Variants in RBPJL observed in about 807,000 individuals in gnomAD.
The protein encoded by RBPJL is recombining binding protein suppressor of hairless-like protein.
In RBPJL, 50 loss-of-function variants were observed where a neutral mutation model predicts 57.6. That is an observed-to-expected ratio of 0.87 (90% CI 0.69 to 1.10). RBPJL has a LOEUF of 1.10. Ranked by LOEUF, RBPJL falls within the 50% of genes least tolerant of loss-of-function variation. The probability of loss-of-function intolerance (pLI) is 0.00; values close to 1 mark genes in which losing one functional copy is unlikely to be tolerated. For missense variants in RBPJL, 684 were observed against 693.7 expected (o/e 0.99, Z 0.16); for synonymous variants, 303 against 294.4 (o/e 1.03, Z -0.30).
chr20:45,317,128 CCCTT>C lies in RBPJL; in HGVS notation c.*170_*173del, dbSNP rs1987519553. On this transcript the variant is annotated 3_prime_UTR_variant, in exon 12 of 12. Transcript: ENST00000343694. ...GTGGGTCTTACCCGGCTCACTCCCT[CCCTT>C]GTCCTTACACATACAGGAAGACAAG... 1.4e-6 allele frequency: 1 copy of C among 722,454 alleles called. No individual in the cohort carries two copies. Among genetic ancestry groups the C allele is most frequent in the Non-Finnish European group, 2.2e-6 (1 of 445,854 alleles). The allele number at this position is 722,454 out of a possible 1,614,324, so 44.8% of individuals were successfully genotyped here. A position where few individuals can be genotyped will look rare whatever the true frequency, so the allele number is the denominator to read the frequency against.
At chr20:45,307,653 C>CT (rs768464169) in intron 1 of RBPJL, among the ~76,000 whole-genome samples, 2 of 152,212 alleles carry the variant, frequency 1.3e-5, no homozygotes, top group African/African-American at 4.8e-5. Flanking sequence ...ACCTGGCACC[C>CT]TGCCTCCACC....
intron 1 of RBPJL, among the ~76,000 whole-genome samples, chr20:45,307,163 C>T (rs1986785318): frequency 6.6e-6 from 1 of 152,196 alleles, no homozygotes; most frequent in Admixed American, 6.5e-5. Context: ...TTCCTTCCAG[C>T]TCCTACCCCA....
chr20:45,315,401 TA>T (rs35967905), intron 9 of RBPJL, among the ~76,000 whole-genome samples: 26,632 of 146,386 alleles, frequency 0.18, 2,557 homozygotes, highest in Middle Eastern at 0.3. Flanking sequence ...TGCACAATGT[TA>T]AAAAAAAAAA....
At position 45,311,837 on chromosome 20, in the gene RBPJL, A is replaced by G. The variant is rs1478708915; in HGVS notation, c.329-2A>G. ...GCAGAGCCAGTTCGCGTCCCTTTCCAGCTCACCAGGCGGGGGAAACGGGGC... is the reference window on the plus strand; with the variant it reads ...GCAGAGCCAGTTCGCGTCCCTTTCCGGCTCACCAGGCGGGGGAAACGGGGC... On this transcript the variant is annotated splice_acceptor_variant, in intron 4 of 11. Transcript: ENST00000343694. LOFTEE classifies it high-confidence loss of function. The G allele has an allele frequency of 1.9e-6, 3 of 1,551,048 alleles. No homozygotes were observed. Among genetic ancestry groups the G allele is most frequent in the African/African-American group, 2.7e-5 (2 of 73,052 alleles).
At chr20:45,313,993 G>A (rs1224357098) in intron 7 of RBPJL, 42 bp from the exon 8 acceptor site, 2 of 1,412,234 alleles carry the variant, frequency 1.4e-6, no homozygotes, top group South Asian at 2.3e-5. Context: ...AGAAGCTTGG[G>A]GGCCGCTGAA....
intron 2 of RBPJL, chr20:45,308,484 G>A: frequency 1.8e-6 from 1 of 554,990 alleles, no homozygotes; most frequent in Non-Finnish European, 3.2e-6. Context: ...GGCCAGGCTG[G>A]AATTCAGCTA....
intron 6 of RBPJL, 78 bp downstream of exon 6, chr20:45,312,473 A>C: frequency 3.5e-6 from 5 of 1,421,134 alleles, no homozygotes; most frequent in Non-Finnish European, 4.8e-6. Context: ...TGGGGCGCGG[A>C]GGTGGGGGTA....
Position 45,316,693 on chromosome 20 carries a change from C to T in RBPJL, c.1288C>T (p.Arg430Trp). The change falls in exon 12 of 12, where the codon CGG becomes TGG. Residue 430 changes from arginine (R) to tryptophan (W), a missense_variant. Arg to Trp is a moderately radical substitution (Grantham distance 101). Coordinates refer to ENST00000343694, the MANE Select transcript of RBPJL (RefSeq NM_014276.4). ...VEAETMYRSP[R>W]SLVCVVPDVA... is the part of the protein sequence containing the mutation. ...CTGGTGCTCCACCCCCAGGAGCCCG[C>T]GGTCCCTGGTGTGCGTGGTGCCGGA... 1.9e-6 allele frequency: 3 copies of T among 1,600,472 alleles called. No homozygotes were observed. In the South Asian group the frequency reaches 3.3e-5, roughly 18 times the overall value.
At chr20:45,312,491 C>T in intron 6 of RBPJL, 96 bp downstream of exon 6, 1 of 1,267,004 alleles carries the variant, frequency 7.9e-7, no homozygotes, top group South Asian at 1.4e-5. Context: ...GTAGGCTGGG[C>T]TTAGGGGTCA....
chr20:45,310,532 G>A (rs1371460419), intron 3 of RBPJL, among the ~76,000 whole-genome samples: 7 of 151,948 alleles, frequency 4.6e-5, no homozygotes, highest in South Asian at 2.1e-4. Flanking sequence ...GGTTGAACCC[G>A]GGAGGCGGAG....
Position 45,309,686 on chromosome 20 carries a change from AG to A in RBPJL, c.252del (p.Lys85SerfsTer19). The stretch of plus-strand genomic sequence containing the variant: ...GTGGCCCAGAAATCATACGGAAATG[AG>A]AAGCGGTAGGTGCCTCCGCAGCCCC... ...AKVAQKSYGN[E>X]KRFFCPPPCV... On this transcript the variant is annotated frameshift_variant, in exon 3 of 12. Transcript: ENST00000343694. LOFTEE classifies it high-confidence loss of function. 6.2e-7 allele frequency: 1 copy of A among 1,613,618 alleles called. No homozygotes were observed. The highest frequency in any genetic ancestry group is 8.5e-7 in the Non-Finnish European group (1 of 1,179,786).
In RBPJL at chr20:45,308,181, C is replaced by A; in HGVS notation, c.61C>A (p.Leu21Met). 1 of 1,614,102 alleles carries A rather than the reference C, an allele frequency of 6.2e-7. No individual in the cohort carries two copies. The highest frequency in any genetic ancestry group is 8.5e-7 in the Non-Finnish European group (1 of 1,179,958). Residue 21 changes from leucine (L) to methionine (M), a missense_variant, in exon 2 of 12, where the codon CTG becomes ATG. Coordinates refer to ENST00000343694, the MANE Select transcript of RBPJL (RefSeq NM_014276.4). The part of the protein sequence containing the change: ...VPPNPLTHLS[L>M]QDRSEMQLQS... Reference sequence around the variant, plus strand: ...TCCCAATCCTTTGACTCACCTGAGCCTGCAGGACAGATCAGAGATGCAGCT... The same window carrying A: ...TCCCAATCCTTTGACTCACCTGAGCATGCAGGACAGATCAGAGATGCAGCT...
At chr20:45,309,366 C>T (rs1330480814) in intron 2 of RBPJL, among the ~76,000 whole-genome samples, 4 of 152,136 alleles carry the variant, frequency 2.6e-5, no homozygotes, top group Non-Finnish European at 1.5e-5. Flanking sequence ...AATATTTAGC[C>T]TACAATTTGC....
chr20:45,316,445 C>G (rs1252519324), intron 10 of RBPJL, 32 bp from the exon 11 acceptor site: 1 of 1,557,618 alleles, frequency 6.4e-7, no homozygotes. Flanking sequence ...CTACTTGGTT[C>G]TCTCACCTCA....
chr20:45,312,016 G>A (rs1432643669), intron 5 of RBPJL, 62 bp downstream of exon 5: 2 of 1,471,702 alleles, frequency 1.4e-6, no homozygotes, highest in Non-Finnish European at 1.9e-6. Context: ...TGGGAAAGGA[G>A]GGCTCCTTTA....
rs566048117 is a variant in RBPJL at position 45,312,198 on chromosome 20, C to T, written c.445-23C>T. 1.2e-4 allele frequency: 190 copies of T among 1,613,852 alleles called. No homozygotes were observed. The South Asian group carries it at 1.6e-3, about 13-fold the overall frequency. ...ACGGGGGAGGGCTGGGATGAGATGGCCCTGTACCTGTGAGCCCCCTAGGAA... is the reference window on the plus strand; with the variant it reads ...ACGGGGGAGGGCTGGGATGAGATGGTCCTGTACCTGTGAGCCCCCTAGGAA... On this transcript the variant is annotated intron_variant, in intron 5 of 11. Coordinates refer to ENST00000343694, the MANE Select transcript of RBPJL (RefSeq NM_014276.4).
chr20:45,311,986 GCTCCCATCCCTGC>G (rs1411623648), intron 5 of RBPJL, 32 bp downstream of exon 5: 1 of 1,503,192 alleles, frequency 6.7e-7, no homozygotes, highest in Non-Finnish European at 9.1e-7. Flanking sequence ...TCCGATTCCT[GCTCCCATCCCTGC>G]CTCTCCTGGG....
In RBPJL at chr20:45,311,468, G is replaced by T. The variant is rs1042847414; in HGVS notation, c.258-121G>T. On this transcript the variant is annotated intron_variant, in intron 3 of 11. Coordinates refer to ENST00000343694, the MANE Select transcript of RBPJL (RefSeq NM_014276.4). ...ATGGGGTTTACAGTCGTGAAAAAGC[G>T]TTGCGGGGAGCGGGAGGAGGAAACG... is the stretch of plus-strand genomic sequence containing the variant. 1.5e-5 allele frequency: 13 copies of T among 851,584 alleles called. No individual in the cohort carries two copies. The African/African-American group carries it at 1.8e-4, about 12-fold the overall frequency. The allele number at this position is 851,584 out of a possible 1,614,324, so 52.8% of individuals were successfully genotyped here.
In RBPJL at chr20:45,314,509, C is replaced by G. The variant is rs1051708766; in HGVS notation, c.964C>G (p.Pro322Ala). The G allele has an allele frequency of 6.2e-7, 1 of 1,614,200 alleles. No homozygotes were observed. Among genetic ancestry groups the G allele is most frequent in the Non-Finnish European group, 8.5e-7 (1 of 1,180,036 alleles). ...TGCATTCCAGTTTCCAGGCAGTCCCCCAGGAGGGGGTGGCACCTACTTATG... is the reference window on the plus strand; with the variant it reads ...TGCATTCCAGTTTCCAGGCAGTCCCGCAGGAGGGGGTGGCACCTACTTATG... ...KCAFQFPGSP[P>A]GGGGTYLCLA... Residue 322 changes from proline (P) to alanine (A), a missense_variant, in exon 9 of 12, where the codon CCA becomes GCA. Pro to Ala is a conservative substitution (Grantham distance 27). Coordinates refer to ENST00000343694, the MANE Select transcript of RBPJL (RefSeq NM_014276.4).
Sources: allele counts gnomAD v4.1 joint callset (sites outside exome capture counted in the v4.1 genomes callset), GRCh38; gene constraint gnomAD v4.1.1; transcripts MANE v1.5; gene names NCBI Gene and HGNC (gene_info 2026-07-23, HGNC 2026-07-21).